The following PCSK5 variants were observed in gnomAD, a reference collection of about 807,000 sequenced individuals.
PCSK5 encodes the protein prohormone convertase 5.
In PCSK5, 129 loss-of-function variants were observed where a neutral mutation model predicts 233.2. The ratio of observed to expected loss-of-function variants is 0.55; its 90% CI spans 0.48 to 0.64. The LOEUF (loss-of-function observed/expected upper bound fraction) is 0.64. PCSK5 is among the 30% of genes least tolerant of loss of function. The pLI is 0.00. For synonymous variants in PCSK5, 825 were observed against 879.2 expected (o/e 0.94, Z 1.09); for missense variants, 2,076 against 2,430.1 (o/e 0.85, Z 3.06).
upstream of PCSK5, among the ~76,000 whole-genome samples, chr9:75,890,161 CT>C (rs1456441805): frequency 1.3e-5 from 2 of 152,206 alleles, no homozygotes; most frequent in Non-Finnish European, 2.9e-5. Context: ...GTCGATGCGA[CT>C]TACTGTCCTG....
intron 12 of PCSK5, among the ~76,000 whole-genome samples, chr9:76,168,281 A>G (rs1005334301): frequency 6.6e-6 from 1 of 152,090 alleles, no homozygotes; most frequent in Non-Finnish European, 1.5e-5. Context: ...CCCCCTGAGT[A>G]GTGGGACTAC....
intron 26 of PCSK5, among the ~76,000 whole-genome samples, chr9:76,296,413 C>T (rs901035257): frequency 6.6e-6 from 1 of 152,146 alleles, no homozygotes; most frequent in Non-Finnish European, 1.5e-5. Flanking sequence ...CGTGGTGACA[C>T]ATACCTGTAG....
intron 37 of PCSK5, among the ~76,000 whole-genome samples, chr9:76,355,508 T>C (rs1374604047): frequency 6.6e-6 from 1 of 151,888 alleles, no homozygotes. Flanking sequence ...AAGAAACATA[T>C]ATTCTTAAAA....
chr9:76,209,647 C>A, intron 20 of PCSK5: 1 of 413,080 alleles, frequency 2.4e-6, no homozygotes, highest in African/African-American at 2.0e-5. Context: ...TCGATCACTT[C>A]ACCACATGGC....
chr9:75,889,863 T>C (rs1564061261), upstream of PCSK5, among the ~76,000 whole-genome samples: 1 of 152,214 alleles, frequency 6.6e-6, no homozygotes, highest in African/African-American at 2.4e-5. Context: ...GAACTTCCTC[T>C]GTGGTCTTTT....
intron 1 of PCSK5, among the ~76,000 whole-genome samples, chr9:75,929,177 C>T (rs913557544): frequency 2.6e-5 from 4 of 152,154 alleles, no homozygotes; most frequent in African/African-American, 9.7e-5. Flanking sequence ...TCATGATCCC[C>T]CTACCTCAGC....
intron 34 of PCSK5, among the ~76,000 whole-genome samples, chr9:76,333,898 T>C (rs1471499300): frequency 6.6e-6 from 1 of 152,216 alleles, no homozygotes; most frequent in East Asian, 1.9e-4. Flanking sequence ...TTTGTATGTA[T>C]AAATAAGATG....
intron 3 of PCSK5, among the ~76,000 whole-genome samples, chr9:76,006,189 C>G (rs12353417): frequency 2.0e-5 from 3 of 151,978 alleles, no homozygotes; most frequent in Admixed American, 6.5e-5. Flanking sequence ...TTGAATTACT[C>G]TATTTTAGGT....
intron 24 of PCSK5, among the ~76,000 whole-genome samples, chr9:76,253,309 G>A (rs1826873123): frequency 6.6e-6 from 1 of 151,614 alleles, no homozygotes; most frequent in East Asian, 1.9e-4. Context: ...GAATATAAAT[G>A]CAATGTCAAT....
chr9:75,979,501 C>A (rs1587451906), intron 2 of PCSK5, among the ~76,000 whole-genome samples: 1 of 152,162 alleles, frequency 6.6e-6, no homozygotes, highest in Admixed American at 6.5e-5. Flanking sequence ...GTTAGTCGAC[C>A]AGATGGCTGG....
chr9:76,033,209 G>A (rs899103403), intron 5 of PCSK5, among the ~76,000 whole-genome samples: 9 of 152,136 alleles, frequency 5.9e-5, no homozygotes, highest in Non-Finnish European at 8.8e-5. Context: ...AGCATTTTCC[G>A]CATATAGGGG....
At chr9:76,327,654 T>G (rs552353413) in intron 32 of PCSK5, among the ~76,000 whole-genome samples, 8 of 152,122 alleles carry the variant, frequency 5.3e-5, no homozygotes, top group Non-Finnish European at 1.0e-4. Context: ...ACAGTAGGTG[T>G]TGTGACGGTG....
At chr9:76,081,979 T>C (rs1830857445) in intron 7 of PCSK5, among the ~76,000 whole-genome samples, 1 of 152,226 alleles carries the variant, frequency 6.6e-6, no homozygotes, top group African/African-American at 2.4e-5. Context: ...CTTTCAATTC[T>C]GCCTGAATAC....
intron 3 of PCSK5, among the ~76,000 whole-genome samples, chr9:75,990,354 G>T (rs558023442): frequency 5.3e-5 from 8 of 152,304 alleles, no homozygotes; most frequent in Non-Finnish European, 7.4e-5. Context: ...CTTTTCCCAT[G>T]TCGCTCCTCC....
rs370506924 is a variant in PCSK5 at position 76,023,815 on chromosome 9, G to A, written c.489G>A (p.Lys163=). ...EGAWKRGYTG[K]NIVVTILDDG... ...CCTGGAAGAGAGGCTACACGGGAAA[G>A]AACATTGTGGTCACTATCCTGGATG... Residue 163 remains lysine, a synonymous_variant, in exon 4 of 38, where the codon AAG becomes AAA. Coordinates refer to ENST00000674117, the MANE Select transcript of PCSK5 (RefSeq NM_001372043.1). The A allele has an allele frequency of 2.5e-5, 40 of 1,613,510 alleles. No homozygotes were observed. Among genetic ancestry groups the A allele is most frequent in the Non-Finnish European group, 3.1e-5 (37 of 1,179,688 alleles).
chr9:76,191,681 G>A (rs761429757), intron 20 of PCSK5, among the ~76,000 whole-genome samples: 12 of 152,076 alleles, frequency 7.9e-5, no homozygotes, highest in Non-Finnish European at 1.0e-4. Context: ...AGGTTTTCTC[G>A]CCAGGGCTGA....
chr9:75,910,580 C>CTT (rs113232033), intron 1 of PCSK5, among the ~76,000 whole-genome samples: 2 of 146,314 alleles, frequency 1.4e-5, no homozygotes, highest in African/African-American at 2.5e-5. Context: ...ATACAGAGTT[C>CTT]TTTTTTTTTT....
At chr9:76,233,692 C>A in intron 22 of PCSK5, 96 bp downstream of exon 22, 1 of 1,144,480 alleles carries the variant, frequency 8.7e-7, no homozygotes, top group Non-Finnish European at 1.3e-6. Context: ...GTGTCTGGGG[C>A]TGAGGGTTAA....
chr9:76,198,039 G>C (rs550067126), intron 20 of PCSK5, among the ~76,000 whole-genome samples: 7 of 152,346 alleles, frequency 4.6e-5, no homozygotes, highest in Non-Finnish European at 8.8e-5. Context: ...TAGAGGTGAA[G>C]ATCAGGTCCA....
Sources: gnomAD v4.1 joint callset for allele counts (sites outside exome capture counted in the v4.1 genomes callset) on GRCh38, gnomAD v4.1.1 for gene constraint, MANE v1.5 for transcripts, NCBI Gene and HGNC (gene_info 2026-07-23, HGNC 2026-07-21) for gene names.